The following DCLK1 variants were observed in gnomAD, a reference collection of about 807,000 sequenced individuals.
The protein encoded by DCLK1 is serine/threonine-protein kinase DCLK1.
In DCLK1, 16 loss-of-function variants were observed where a neutral mutation model predicts 86.2. That is an observed-to-expected ratio of 0.19 (90% CI 0.13 to 0.28). The LOEUF is 0.28. Ranked by LOEUF, DCLK1 falls within the 10% of genes least tolerant of loss-of-function variation. The probability of loss-of-function intolerance (pLI) is 1.00; values close to 1 mark genes in which losing one functional copy is unlikely to be tolerated. For synonymous variants in DCLK1, 369 were observed against 370.5 expected (o/e 1.00, Z 0.05); for missense variants, 590 against 940.2 (o/e 0.63, Z 4.87).
At chr13:35,949,385 G>A (rs1445799344) in intron 3 of DCLK1, among the ~76,000 whole-genome samples, 1 of 152,096 alleles carries the variant, frequency 6.6e-6, no homozygotes, top group East Asian at 1.9e-4. Flanking sequence ...TTTGGAAGTG[G>A]GCTGACAGCC....
At chr13:35,864,252 G>A (rs1274871619) in intron 5 of DCLK1, among the ~76,000 whole-genome samples, 1 of 152,034 alleles carries the variant, frequency 6.6e-6, no homozygotes, top group Non-Finnish European at 1.5e-5. Context: ...CTAAATACAG[G>A]GTATCATTCT....
At chr13:36,037,434 G>A (rs896954789) in intron 3 of DCLK1, among the ~76,000 whole-genome samples, 1 of 150,850 alleles carries the variant, frequency 6.6e-6, no homozygotes, top group Non-Finnish European at 1.5e-5. Context: ...TATTTAAGGT[G>A]GTGGATATCC....
intron 15 of DCLK1, among the ~76,000 whole-genome samples, chr13:35,804,650 C>G (rs2086990338): frequency 6.6e-6 from 1 of 152,128 alleles, no homozygotes; most frequent in Non-Finnish European, 1.5e-5. Flanking sequence ...CCAGGCTGGT[C>G]TCAAACTCCT....
intron 2 of DCLK1, among the ~76,000 whole-genome samples, chr13:36,114,296 G>A (rs917655508): frequency 1.3e-5 from 2 of 152,172 alleles, no homozygotes; most frequent in Non-Finnish European, 2.9e-5. Flanking sequence ...TGCTGGTTTG[G>A]TTCAAGCAAC....
intron 3 of DCLK1, among the ~76,000 whole-genome samples, chr13:36,069,500 T>C (rs564491300): frequency 2.6e-4 from 39 of 152,316 alleles, no homozygotes; most frequent in African/African-American, 9.1e-4. Flanking sequence ...CAACAATGCT[T>C]GCTCATAAGG....
chr13:35,947,414 A>G lies in DCLK1; in HGVS notation c.767T>C (p.Ile256Thr). 1 of 1,613,970 alleles carries G rather than the reference A, an allele frequency of 6.2e-7. No homozygotes were observed. The change falls in exon 4 of 17, where the codon ATT becomes ACT. Residue 256 changes from isoleucine to threonine, a missense_variant. Physicochemically the swap from Ile to Thr is moderately conservative, Grantham distance 89. Transcript: ENST00000360631. The part of the protein sequence containing the change: ...QDFFGDDDIF[I>T]ACGPEKFRYQ... ...ACGGAACTTCTCCGGTCCACATGCA[A>G]TAAAAATGTCATCATCACCAAAAAA...
At chr13:35,948,008 T>C (rs187610954) in intron 3 of DCLK1, among the ~76,000 whole-genome samples, 31 of 152,346 alleles carry the variant, frequency 2.0e-4, no homozygotes, top group Non-Finnish European at 3.7e-4. Context: ...AGAGAGATTA[T>C]GGTAAGTGTA....
intron 3 of DCLK1, among the ~76,000 whole-genome samples, chr13:36,090,500 GCCAATATCT>G (rs1884781078): frequency 6.6e-6 from 1 of 152,078 alleles, no homozygotes; most frequent in Non-Finnish European, 1.5e-5. Flanking sequence ...GGGAGAAGAG[GCCAATATCT>G]CCAAGGATTT....
intron 2 of DCLK1, among the ~76,000 whole-genome samples, chr13:36,117,198 T>C (rs1446024644): frequency 6.6e-6 from 1 of 151,976 alleles, no homozygotes; most frequent in African/African-American, 2.4e-5. Context: ...CTTTTTGAAA[T>C]TGAAAAGTAG....
At chr13:36,075,816 A>T (rs1884183897) in intron 3 of DCLK1, among the ~76,000 whole-genome samples, 1 of 152,170 alleles carries the variant, frequency 6.6e-6, no homozygotes, top group Non-Finnish European at 1.5e-5. Flanking sequence ...CAGGAGTTTG[A>T]GACCATCCTG....
At chr13:35,820,967 CAT>C (rs943645374) in intron 11 of DCLK1, among the ~76,000 whole-genome samples, 1 of 152,334 alleles carries the variant, frequency 6.6e-6, no homozygotes, top group East Asian at 1.9e-4. Context: ...TTCATGAAGA[CAT>C]GTGTCTCTCT....
chr13:35,828,784 A>C (rs1868699812), intron 8 of DCLK1, among the ~76,000 whole-genome samples: 1 of 152,110 alleles, frequency 6.6e-6, no homozygotes, highest in Non-Finnish European at 1.5e-5. Context: ...AGCAGAGATG[A>C]GTTTCCGCCC....
chr13:36,131,488 C>T (rs1001233747), upstream of DCLK1, among the ~76,000 whole-genome samples: 6 of 152,082 alleles, frequency 3.9e-5, no homozygotes, highest in African/African-American at 1.4e-4. Context: ...TCGCCCCCGC[C>T]CTTCTTGGCA....
rs9575067 is a variant in DCLK1 at position 35,988,034 on chromosome 13, T to A, written c.724-40577A>T. 8.7e-4 allele frequency among the ~76,000 whole-genome samples: 133 copies of A among 152,210 alleles called. 6 individuals are homozygous for A. The East Asian group carries it at 0.022, about 26-fold the overall frequency. On this transcript the variant is annotated intron_variant, in intron 3 of 16. Coordinates refer to ENST00000360631, the MANE Select transcript of DCLK1 (RefSeq NM_001330071.2). ...CCCCAGCCACCTGGCTAGATCTACT[T>A]CTGAGCCCCACTTTTGGACATTTCT...
intron 10 of DCLK1, among the ~76,000 whole-genome samples, chr13:35,824,439 C>G (rs2087473015): frequency 6.6e-6 from 1 of 152,162 alleles, no homozygotes; most frequent in Admixed American, 6.5e-5. Flanking sequence ...CTTGGCCTCC[C>G]AAAATGCTGG....
intron 3 of DCLK1, among the ~76,000 whole-genome samples, chr13:35,995,399 C>A (rs1880425292): frequency 6.6e-6 from 1 of 151,894 alleles, no homozygotes; most frequent in South Asian, 2.1e-4. Context: ...ATGGGCCACA[C>A]CAAAATATAA....
chr13:35,903,652 T>TAC (rs56345575), intron 4 of DCLK1, among the ~76,000 whole-genome samples: 31,695 of 150,144 alleles, frequency 0.21, 3,805 homozygotes, highest in East Asian at 0.34. Context: ...AGGCTATACA[T>TAC]ACACACACAC....
chr13:35,818,163 C>T (rs2087311678), intron 11 of DCLK1, among the ~76,000 whole-genome samples: 1 of 152,132 alleles, frequency 6.6e-6, no homozygotes, highest in African/African-American at 2.4e-5. Context: ...GGCTCAAGTT[C>T]TGTGTTTTTG....
At chr13:35,989,100 G>C (rs1403764572) in intron 3 of DCLK1, among the ~76,000 whole-genome samples, 2 of 152,102 alleles carry the variant, frequency 1.3e-5, no homozygotes, top group Admixed American at 1.3e-4. Flanking sequence ...TAGGGGTACA[G>C]AATCCATAAC....
Sources: allele counts gnomAD v4.1 joint callset (sites outside exome capture counted in the v4.1 genomes callset), GRCh38; gene constraint gnomAD v4.1.1; transcripts MANE v1.5; gene names NCBI Gene and HGNC (gene_info 2026-07-23, HGNC 2026-07-21).